Variants in MAGI1 observed in about 807,000 individuals in gnomAD.
MAGI1 encodes the protein membrane associated guanylate kinase, WW and PDZ domain containing 1.
Under a neutral mutation model 139.9 loss-of-function variants are expected in MAGI1, and 58 were observed. The ratio of observed to expected loss-of-function variants is 0.41; its 90% CI spans 0.34 to 0.52. The LOEUF is 0.52. MAGI1 is among the 20% of genes least tolerant of loss of function. MAGI1 has a pLI of 0.12. For synonymous variants in MAGI1, 812 were observed against 737.9 expected, an observed-to-expected ratio of 1.10 and a Z score of -1.63; for missense variants, 1,874 against 1,901.6, an observed-to-expected ratio of 0.99 and a Z score of 0.27.
chr3:65,845,104 A>T (rs2058941685), intron 1 of MAGI1, among the ~76,000 whole-genome samples: 1 of 152,052 alleles, frequency 6.6e-6, no homozygotes, highest in Non-Finnish European at 1.5e-5. Context: ...TACAAAACTT[A>T]GCTGGGTGTG....
rs920215834 is a variant in MAGI1, at chr3:65,516,429, G to A, written c.431-22798C>T. On this transcript the variant is annotated intron_variant, in intron 2 of 22. Transcript: ENST00000402939. ...TCTTGACCTTGGGATCCGCCCGCCT[G>A]GCCTCCCAACGCATTGGAATTACAG... Among the ~76,000 whole-genome samples, 4 of 151,892 alleles carry A rather than the reference G, an allele frequency of 2.6e-5. No homozygotes were observed. In the East Asian group the frequency reaches 5.9e-4, roughly 22 times the overall value.
intron 1 of MAGI1, among the ~76,000 whole-genome samples, chr3:65,856,481 T>C (rs950797523): frequency 6.6e-6 from 1 of 152,204 alleles, no homozygotes; most frequent in Non-Finnish European, 1.5e-5. Context: ...CTCAGGTATC[T>C]GATCCAATTT....
rs377665681 is a variant in MAGI1 at position 65,926,327 on chromosome 3, T to TTCTCTCTCTCTCTCTCTCTCTCTCTCTC, written c.313+111641_313+111668dup. 6.1e-5 allele frequency among the ~76,000 whole-genome samples: 7 copies of TTCTCTCTCTCTCTCTCTCTCTCTCTCTC among 115,590 alleles called. 1 individual carries two copies. The highest frequency in any genetic ancestry group is 5.8e-4 in the East Asian group (2 of 3,430). The allele number at this position is 115,590 out of a possible 152,430, so 75.8% of individuals were successfully genotyped here. On this transcript the variant is annotated intron_variant, in intron 1 of 22. Transcript: ENST00000402939. ...GAAGATCCAAGACTGAAGTCTTCTT[T>TTCTCTCTCTCTCTCTCTCTCTCTCTCTC]TCTCTCTCTCTCTCTCTCTCTCTCT...
chr3:65,573,413 A>C (rs2081044076), intron 2 of MAGI1, among the ~76,000 whole-genome samples: 1 of 152,086 alleles, frequency 6.6e-6, no homozygotes, highest in Non-Finnish European at 1.5e-5. Context: ...AACATTGGAA[A>C]ATCTATTAAT....
chr3:65,528,853 C>A (rs988111637), intron 2 of MAGI1, among the ~76,000 whole-genome samples: 1 of 152,118 alleles, frequency 6.6e-6, no homozygotes, highest in African/African-American at 2.4e-5. Context: ...TGAGACCAGC[C>A]TGGACAATAG....
intron 1 of MAGI1, among the ~76,000 whole-genome samples, chr3:66,007,828 A>G (rs2067108540): frequency 6.6e-6 from 1 of 152,054 alleles, no homozygotes; most frequent in African/African-American, 2.4e-5. Context: ...AAGATACTAA[A>G]TTGGAGGAGG....
chr3:65,871,773 C>A (rs1395999091), intron 1 of MAGI1, among the ~76,000 whole-genome samples: 1 of 152,206 alleles, frequency 6.6e-6, no homozygotes, highest in Non-Finnish European at 1.5e-5. Context: ...CAAAACCTTG[C>A]CCTTCAGATA....
chr3:65,416,392 T>G (rs893840073), intron 12 of MAGI1, among the ~76,000 whole-genome samples: 1 of 152,130 alleles, frequency 6.6e-6, no homozygotes, highest in Non-Finnish European at 1.5e-5. Context: ...TTAAACAACC[T>G]TGCAACAAAT....
chr3:65,611,187 TG>T (rs2083074222), intron 2 of MAGI1, among the ~76,000 whole-genome samples: 1 of 141,560 alleles, frequency 7.1e-6, no homozygotes, highest in African/African-American at 2.5e-5. Context: ...TATACACATA[TG>T]GTATATATGT....
intron 1 of MAGI1, among the ~76,000 whole-genome samples, chr3:65,714,485 G>A (rs1305008640): frequency 1.3e-5 from 2 of 152,090 alleles, no homozygotes; most frequent in Non-Finnish European, 2.9e-5. Flanking sequence ...CCCTCCTCAG[G>A]ACTTGGGGAG....
chr3:65,401,676 T>C (rs748781852), intron 12 of MAGI1: 1 of 1,544,044 alleles, frequency 6.5e-7, no homozygotes, highest in Non-Finnish European at 8.7e-7. Context: ...GCAGGAGATC[T>C]ATCTGCATTA....
At chr3:65,573,279 G>A (rs2081038311) in intron 2 of MAGI1, among the ~76,000 whole-genome samples, 1 of 151,588 alleles carries the variant, frequency 6.6e-6, no homozygotes, top group African/African-American at 2.4e-5. Context: ...ATATTTCACA[G>A]GAACAAAGAT....
intron 1 of MAGI1, among the ~76,000 whole-genome samples, chr3:65,933,026 C>T (rs999689081): frequency 6.6e-6 from 1 of 152,224 alleles, no homozygotes; most frequent in African/African-American, 2.4e-5. Context: ...ACCAAATGCT[C>T]CATTGAAAAT....
chr3:65,771,954 G>A (rs2037986246), intron 1 of MAGI1, among the ~76,000 whole-genome samples: 1 of 152,164 alleles, frequency 6.6e-6, no homozygotes, highest in Non-Finnish European at 1.5e-5. Context: ...TATAATCCCA[G>A]CACTTTGGGA....
At chr3:65,544,731 C>T (rs1559655846) in intron 2 of MAGI1, among the ~76,000 whole-genome samples, 3 of 152,118 alleles carry the variant, frequency 2.0e-5, no homozygotes, top group South Asian at 2.1e-4. Context: ...CACCAAGCCA[C>T]GAGCAACCCC....
At chr3:65,429,142 T>C (rs895052312) in intron 12 of MAGI1, among the ~76,000 whole-genome samples, 1 of 152,006 alleles carries the variant, frequency 6.6e-6, no homozygotes, top group African/African-American at 2.4e-5. Flanking sequence ...AAAAAAACTT[T>C]TTAGAGAATG....
At chr3:65,792,663 G>A in intron 1 of MAGI1, among the ~76,000 whole-genome samples, 1 of 152,090 alleles carries the variant, frequency 6.6e-6, no homozygotes, top group Non-Finnish European at 1.5e-5. Context: ...GTGGCTAACA[G>A]GGAAGTGGCG....
intron 1 of MAGI1, among the ~76,000 whole-genome samples, chr3:65,796,135 G>A (rs2040132882): frequency 6.6e-6 from 1 of 151,980 alleles, no homozygotes; most frequent in Non-Finnish European, 1.5e-5. Context: ...AAATTGCAGA[G>A]CTGGCACAGG....
At chr3:65,860,723 G>A (rs887513321) in intron 1 of MAGI1, among the ~76,000 whole-genome samples, 6 of 152,156 alleles carry the variant, frequency 3.9e-5, no homozygotes, top group African/African-American at 7.2e-5. Context: ...GGATGCGTGC[G>A]GTAGGTTCAC....
Sources: gnomAD v4.1 joint callset for allele counts (sites outside exome capture counted in the v4.1 genomes callset) on GRCh38, gnomAD v4.1.1 for gene constraint, MANE v1.5 for transcripts, NCBI Gene and HGNC (gene_info 2026-07-23, HGNC 2026-07-21) for gene names.